Variants in PUS10 observed in about 807,000 individuals in gnomAD.
PUS10 encodes the protein tRNA pseudouridine synthase Pus10.
PUS10 carries 59 observed loss-of-function variants against 75.0 expected under a neutral mutation model. The ratio of observed to expected loss-of-function variants is 0.79; its 90% CI spans 0.64 to 0.98. The LOEUF (loss-of-function observed/expected upper bound fraction) is 0.98, where lower values mean the gene tolerates loss of function less well. PUS10 is among the 50% of genes least tolerant of loss of function. The pLI is 0.00. For synonymous variants in PUS10, 219 were observed against 211.6 expected (o/e 1.03, Z -0.30); for missense variants, 650 against 614.4 (o/e 1.06, Z -0.61).
rs759264190 is a variant in PUS10, at chr2:60,954,108, A to C, written c.1108T>G (p.Ser370Ala). ...LVNPHRVHFT[S>A]QEIKELQQKI... Reference sequence around the variant, plus strand: ...TGCTGAAGTTCCTTAATTTCTTGTGAAGTGAAATGTACTCTATGAGGATTC... The same window carrying C: ...TGCTGAAGTTCCTTAATTTCTTGTGCAGTGAAATGTACTCTATGAGGATTC... The change falls in exon 13 of 18, where the codon TCA becomes GCA. Residue 370 changes from serine (S) to alanine (A), a missense_variant. Physicochemically the swap from Ser to Ala is moderately conservative, Grantham distance 99. Transcript: ENST00000316752. The C allele has an allele frequency of 1.9e-6, 3 of 1,614,214 alleles. No homozygotes were observed. The East Asian group carries it at 6.7e-5, about 36-fold the overall frequency.
chr2:60,965,257 A>G, intron 7 of PUS10, 154 bp from the exon 8 acceptor site: 1 of 984,470 alleles, frequency 1.0e-6, no homozygotes, highest in Non-Finnish European at 1.6e-6. Flanking sequence ...TTGCCCAGGA[A>G]CTATGTTCAA....
chr2:61,017,593 G>A (rs1680086227), intron 1 of PUS10: 1 of 574,094 alleles, frequency 1.7e-6, no homozygotes, highest in Non-Finnish European at 3.1e-6. Flanking sequence ...GCATCCTCCC[G>A]CTGTATGGAT....
At position 60,967,542 on chromosome 2, in the gene PUS10, G is replaced by A. The variant is rs1473261788; in HGVS notation, c.575C>T (p.Pro192Leu). 3 of 1,609,192 alleles carry A rather than the reference G, an allele frequency of 1.9e-6. No individual in the cohort carries two copies. Among genetic ancestry groups the A allele is most frequent in the East Asian group, 2.2e-5 (1 of 44,526 alleles). ...LKEAYKWITHPLFSEELGVPI... is the reference protein window; with the variant it reads ...LKEAYKWITHLLFSEELGVPI... ...AACACCCAGTTCCTCTGAAAACAGG[G>A]GGTGAGTTATCCATTTGTAGGCTTC... The change falls in exon 6 of 18, where the codon CCC becomes CTC. Residue 192 changes from proline (P) to leucine (L), a missense_variant. Transcript: ENST00000316752.
intron 4 of PUS10, among the ~76,000 whole-genome samples, chr2:60,991,606 A>G (rs1678081978): frequency 6.6e-6 from 1 of 152,112 alleles, no homozygotes; most frequent in African/African-American, 2.4e-5. Context: ...ACAGGCATGC[A>G]CCACCATGTC....
Position 60,983,626 on chromosome 2 carries a change from G to A in PUS10, c.469-12069C>T, listed in dbSNP as rs551308609. On this transcript the variant is annotated intron_variant, in intron 4 of 17. Coordinates refer to ENST00000316752, the MANE Select transcript of PUS10 (RefSeq NM_144709.4). ...AGGGAGGCGGAGGTTGCAGTGAGCC[G>A]AGATCGCATCATTGCACTTCAGCCT... 3.3e-5 allele frequency among the ~76,000 whole-genome samples: 5 copies of A among 151,628 alleles called. No individual in the cohort carries two copies. The East Asian group carries it at 7.7e-4, about 23-fold the overall frequency.
chr2:60,973,442 C>T (rs1295860786), intron 4 of PUS10, among the ~76,000 whole-genome samples: 1 of 152,252 alleles, frequency 6.6e-6, no homozygotes, highest in Non-Finnish European at 1.5e-5. Flanking sequence ...GCACCAATCT[C>T]GGAGAAGGGT....
intron 5 of PUS10, among the ~76,000 whole-genome samples, chr2:60,968,040 G>A (rs1676447886): frequency 6.6e-6 from 1 of 152,036 alleles, no homozygotes; most frequent in South Asian, 2.1e-4. Context: ...GTTGAAAATG[G>A]GGCTTACTTT....
chr2:60,987,638 A>G (rs1176459192), intron 4 of PUS10, among the ~76,000 whole-genome samples: 1 of 152,196 alleles, frequency 6.6e-6, no homozygotes, highest in Non-Finnish European at 1.5e-5. Context: ...AATAGAAGCT[A>G]AAATAGCTAA....
At chr2:60,995,582 C>T (rs532785222) in intron 4 of PUS10, among the ~76,000 whole-genome samples, 1 of 152,256 alleles carries the variant, frequency 6.6e-6, no homozygotes, top group Admixed American at 6.5e-5. Context: ...CCCTTTTCAG[C>T]AACTTAACTA....
At chr2:60,999,859 T>C (rs891679745) in intron 4 of PUS10, among the ~76,000 whole-genome samples, 17 of 152,234 alleles carry the variant, frequency 1.1e-4, no homozygotes, top group African/African-American at 4.1e-4. Context: ...GGCTTTTTCC[T>C]GTGATTATTC....
intron 4 of PUS10, among the ~76,000 whole-genome samples, chr2:60,991,285 T>C (rs915653668): frequency 2.0e-5 from 3 of 152,146 alleles, no homozygotes; most frequent in Non-Finnish European, 2.9e-5. Context: ...AAGATGAATA[T>C]GTAGGTAAAT....
chr2:60,983,828 T>C (rs1332295703), intron 4 of PUS10, among the ~76,000 whole-genome samples: 1 of 151,912 alleles, frequency 6.6e-6, no homozygotes, highest in Admixed American at 6.6e-5. Context: ...TATTTGCAAA[T>C]AAGGTAACTG....
At chr2:60,995,041 G>T (rs1286427237) in intron 4 of PUS10, among the ~76,000 whole-genome samples, 1 of 152,130 alleles carries the variant, frequency 6.6e-6, no homozygotes, top group Non-Finnish European at 1.5e-5. Flanking sequence ...AGTAAGCCAA[G>T]ATCACACCAC....
chr2:60,976,522 T>C (rs1677041840), intron 4 of PUS10, among the ~76,000 whole-genome samples: 1 of 152,250 alleles, frequency 6.6e-6, no homozygotes, highest in African/African-American at 2.4e-5. Context: ...CATCCTCTAA[T>C]TATAAAGTAG....
At chr2:61,010,932 A>G in intron 2 of PUS10, 1 of 1,535,188 alleles carries the variant, frequency 6.5e-7, no homozygotes, top group South Asian at 1.2e-5. Flanking sequence ...CTAATCAGTT[A>G]TTATGAGAAT....
At chr2:61,016,651 CCCCAAATCAAGG>C (rs1052682051) in intron 1 of PUS10, among the ~76,000 whole-genome samples, 17 of 152,248 alleles carry the variant, frequency 1.1e-4, no homozygotes, top group African/African-American at 3.9e-4. Context: ...AATCCCTCCT[CCCCAAATCAAGG>C]ATAACTAGCC....
chr2:60,966,273 T>C (rs1023130398), intron 6 of PUS10: 1 of 152,154 alleles, frequency 6.6e-6, no homozygotes, highest in Non-Finnish European at 1.5e-5. Context: ...GATTTTATAC[T>C]TTTACCTCCA....
intron 4 of PUS10, among the ~76,000 whole-genome samples, chr2:60,988,429 G>A (rs973420162): frequency 2.0e-5 from 3 of 151,990 alleles, no homozygotes; most frequent in Non-Finnish European, 4.4e-5. Flanking sequence ...GGTTGCTTTA[G>A]TGTAAGAAAG....
intron 2 of PUS10, chr2:61,010,654 A>G: frequency 2.0e-6 from 2 of 986,466 alleles, no homozygotes; most frequent in Non-Finnish European, 2.9e-6. Context: ...GTTTCCACGT[A>G]CTTTATTAGG....
Sources: gnomAD v4.1 joint callset for allele counts (sites outside exome capture counted in the v4.1 genomes callset) on GRCh38, gnomAD v4.1.1 for gene constraint, MANE v1.5 for transcripts, NCBI Gene and HGNC (gene_info 2026-07-23, HGNC 2026-07-21) for gene names.